NBAS: variants seen among roughly 807,000 people sequenced by gnomAD.
The protein encoded by NBAS is NBAS subunit of NRZ tethering complex.
In NBAS, 219 loss-of-function variants were observed where a neutral mutation model predicts 302.5. That is an observed-to-expected ratio of 0.72 (90% CI 0.65 to 0.81). The LOEUF (loss-of-function observed/expected upper bound fraction) is 0.81, where lower values mean the gene tolerates loss of function less well. Among genes scored for constraint, NBAS ranks in the 30% least tolerant of loss-of-function variants. NBAS has a pLI of 0.00. For missense variants in NBAS, 2,932 were observed against 2,841.6 expected (o/e 1.03, Z -0.72); for synonymous variants, 1,118 against 1,021.6 (o/e 1.09, Z -1.80).
chr2:15,263,900 G>C (rs1664436143), intron 44 of NBAS, among the ~76,000 whole-genome samples: 1 of 152,174 alleles, frequency 6.6e-6, no homozygotes, highest in African/African-American at 2.4e-5. Context: ...CATCCTATGG[G>C]TGCCACTACT....
chr2:14,863,667 A>C, the NBAS span, among the ~76,000 whole-genome samples: 1 of 152,250 alleles, frequency 6.6e-6, no homozygotes, highest in East Asian at 1.9e-4. Context: ...ACAATGGCTT[A>C]GTTCCGGCTC....
the NBAS span, among the ~76,000 whole-genome samples, chr2:14,849,844 A>G: frequency 7.2e-6 from 1 of 137,970 alleles, no homozygotes; most frequent in African/African-American, 3.2e-5. Context: ...TTCATAAGTG[A>G]AGGAGAAATA....
rs539471207 is a variant in NBAS at position 15,380,740 on chromosome 2, CA to C, written c.3361-910del. On this transcript the variant is annotated intron_variant, in intron 29 of 51. Coordinates refer to ENST00000281513, the MANE Select transcript of NBAS (RefSeq NM_015909.4). ...CATATAATTAGTCTAAGAACTTCCC[CA>C]AAAATGCACTTCCCTGTCACTCTAC... Among the ~76,000 whole-genome samples the C allele has an allele frequency of 5.5e-4, 84 of 152,132 alleles. 1 individual carries two copies. Among genetic ancestry groups the C allele is most frequent in the Admixed American group, 8.5e-4 (13 of 15,264 alleles).
intron 38 of NBAS, among the ~76,000 whole-genome samples, chr2:15,321,371 C>T (rs1010970018): frequency 6.6e-6 from 1 of 152,142 alleles, no homozygotes; most frequent in Non-Finnish European, 1.5e-5. Context: ...AAAGCAATGG[C>T]AACAAAAGCC....
intron 39 of NBAS, among the ~76,000 whole-genome samples, chr2:15,308,610 T>C (rs1671136000): frequency 6.6e-6 from 1 of 152,180 alleles, no homozygotes; most frequent in Non-Finnish European, 1.5e-5. Context: ...CTGACCAGGA[T>C]CCTTTCAGCA....
At chr2:15,000,208 C>T in the NBAS span, among the ~76,000 whole-genome samples, 1 of 152,184 alleles carries the variant, frequency 6.6e-6, no homozygotes, top group Non-Finnish European at 1.5e-5. Flanking sequence ...GGGATCAAAC[C>T]TTTCTTATCA....
At chr2:15,530,502 T>C (rs924411505) in intron 9 of NBAS, among the ~76,000 whole-genome samples, 2 of 151,890 alleles carry the variant, frequency 1.3e-5, no homozygotes, top group African/African-American at 4.8e-5. Flanking sequence ...TATCAATAAT[T>C]TACCAAAACA....
At chr2:14,809,851 G>A in the NBAS span, among the ~76,000 whole-genome samples, 252 of 152,308 alleles carry the variant, frequency 1.7e-3, no homozygotes, top group African/African-American at 5.5e-3. Flanking sequence ...CCACAGGGGT[G>A]GAGCTGCCCA....
At chr2:15,002,378 T>G in the NBAS span, among the ~76,000 whole-genome samples, 1 of 152,162 alleles carries the variant, frequency 6.6e-6, no homozygotes. Flanking sequence ...TTGGTGTATT[T>G]ACAATCCCTG....
At chr2:15,004,667 A>ATTTTTTTTTTTTTTTTT in the NBAS span, among the ~76,000 whole-genome samples, 1 of 105,454 alleles carries the variant, frequency 9.5e-6, no homozygotes, top group African/African-American at 3.8e-5. Context: ...CTCCCAGCTG[A>ATTTTTTTTTTTTTTTTT]TTTTTTTTTT....
chr2:15,052,974 A>C, the NBAS span, among the ~76,000 whole-genome samples: 1 of 152,216 alleles, frequency 6.6e-6, no homozygotes, highest in Non-Finnish European at 1.5e-5. Flanking sequence ...AGAGAAAGGA[A>C]AAACAAATTT....
chr2:15,017,795 G>C, the NBAS span, among the ~76,000 whole-genome samples: 1 of 151,986 alleles, frequency 6.6e-6, no homozygotes, highest in Non-Finnish European at 1.5e-5. Flanking sequence ...TTCCACTACT[G>C]GGCATTTATC....
chr2:15,469,831 C>T (rs1433964365), intron 16 of NBAS, among the ~76,000 whole-genome samples: 1 of 80,404 alleles, frequency 1.2e-5, no homozygotes, highest in African/African-American at 5.3e-5. Flanking sequence ...ACACCGGGGC[C>T]TGCTGGGGGG....
chr2:15,357,312 A>T (rs532643172), intron 32 of NBAS, among the ~76,000 whole-genome samples: 1 of 152,290 alleles, frequency 6.6e-6, no homozygotes, highest in South Asian at 2.1e-4. Flanking sequence ...TTGTCCACAA[A>T]CACCTTATAC....
At position 15,469,862 on chromosome 2, in the gene NBAS, A is replaced by G. The variant is rs529281792; in HGVS notation, c.1726-1329T>C. 4.9e-3 allele frequency among the ~76,000 whole-genome samples: 745 copies of G among 150,512 alleles called. 7 individuals carry two copies. Among genetic ancestry groups the G allele is most frequent in the African/African-American group, 0.017 (676 of 40,776 alleles). ...GGGGGTGGGGGGAGGGGGGAGGGAT[A>G]GCATTAGGAGATATGCCTAATGTAA... On this transcript the variant is annotated intron_variant, in intron 16 of 51. Coordinates refer to ENST00000281513, the MANE Select transcript of NBAS (RefSeq NM_015909.4).
intron 44 of NBAS, among the ~76,000 whole-genome samples, chr2:15,244,710 T>A (rs776523776): frequency 3.1e-4 from 47 of 152,126 alleles, no homozygotes; most frequent in Non-Finnish European, 6.3e-4. Flanking sequence ...TTATGCCAAC[T>A]TTGGGCTCCC....
At chr2:15,193,047 T>C (rs1322291362) in intron 48 of NBAS, among the ~76,000 whole-genome samples, 2 of 152,192 alleles carry the variant, frequency 1.3e-5, no homozygotes, top group Non-Finnish European at 2.9e-5. Flanking sequence ...GTTAAACCTT[T>C]ATATTTGTTT....
chr2:15,172,180 G>GA (rs771882088), intron 51 of NBAS, among the ~76,000 whole-genome samples: 3 of 152,172 alleles, frequency 2.0e-5, no homozygotes, highest in Non-Finnish European at 4.4e-5. Context: ...ATTTTGATAG[G>GA]AAAAAATCAC....
At chr2:15,124,730 C>T in the NBAS span, among the ~76,000 whole-genome samples, 82 of 152,304 alleles carry the variant, frequency 5.4e-4, no homozygotes, top group East Asian at 5.2e-3. Flanking sequence ...GCTTGGACTG[C>T]GACTCTGGAG....
Sources: allele counts gnomAD v4.1 joint callset (sites outside exome capture counted in the v4.1 genomes callset), GRCh38; gene constraint gnomAD v4.1.1; transcripts MANE v1.5; gene names NCBI Gene and HGNC (gene_info 2026-07-23, HGNC 2026-07-21).